The following CCSER1 variants were observed in gnomAD, a reference collection of about 807,000 sequenced individuals.
CCSER1 encodes coiled-coil serine rich protein 1, also known as serine-rich coiled-coil domain-containing protein 1.
In CCSER1, 41 loss-of-function variants were observed where a neutral mutation model predicts 82.0. The observed-to-expected ratio is 0.50, with a 90% CI of 0.39 to 0.65. The LOEUF (loss-of-function observed/expected upper bound fraction) is 0.65. Ranked by LOEUF, CCSER1 falls within the 30% of genes least tolerant of loss-of-function variation. The probability of loss-of-function intolerance (pLI) is 0.00; values close to 1 mark genes in which losing one functional copy is unlikely to be tolerated. For missense variants in CCSER1, 1,119 were observed against 1,064.2 expected (o/e 1.05, Z -0.72); for synonymous variants, 414 against 383.9 (o/e 1.08, Z -0.92).
intron 8 of CCSER1, among the ~76,000 whole-genome samples, chr4:90,825,326 A>G (rs1312605972): frequency 1.3e-5 from 2 of 152,216 alleles, no homozygotes; most frequent in East Asian, 3.9e-4. Flanking sequence ...GGATATTTTA[A>G]ATTTATTATA....
intron 1 of CCSER1, among the ~76,000 whole-genome samples, chr4:90,307,520 G>A (rs1734523061): frequency 8.9e-6 from 1 of 112,730 alleles, no homozygotes; most frequent in Non-Finnish European, 1.7e-5. Context: ...GGAGGGGGGA[G>A]GGATGGCATA....
intron 8 of CCSER1, among the ~76,000 whole-genome samples, chr4:90,870,351 A>G (rs557035466): frequency 6.6e-6 from 1 of 151,870 alleles, no homozygotes; most frequent in East Asian, 1.9e-4. Context: ...CTTAAATTGT[A>G]TTGAAGTATG....
At chr4:91,077,136 T>G (rs1722081520) in intron 9 of CCSER1, among the ~76,000 whole-genome samples, 1 of 152,188 alleles carries the variant, frequency 6.6e-6, no homozygotes, top group Non-Finnish European at 1.5e-5. Context: ...TGGTAATCTT[T>G]TGATTTCCCA....
At chr4:91,115,487 C>T (rs1001750692) in intron 10 of CCSER1, among the ~76,000 whole-genome samples, 18 of 152,008 alleles carry the variant, frequency 1.2e-4, no homozygotes, top group South Asian at 6.3e-4. Flanking sequence ...CCACCATGCC[C>T]GGCTAATTTT....
intron 10 of CCSER1, among the ~76,000 whole-genome samples, chr4:91,481,034 TCCCTCCCCTCCCCAC>T (rs1757877800): frequency 7.1e-6 from 1 of 139,976 alleles, no homozygotes; most frequent in South Asian, 2.5e-4. Flanking sequence ...CCCTACCATT[TCCCTCCCCTCCCCAC>T]CCCTGCCCTC....
chr4:90,540,609 A>G (rs1775986516), intron 5 of CCSER1, among the ~76,000 whole-genome samples: 1 of 152,102 alleles, frequency 6.6e-6, no homozygotes, highest in Admixed American at 6.6e-5. Flanking sequence ...AGAAGAGACC[A>G]AAGAAAGCCA....
intron 3 of CCSER1, among the ~76,000 whole-genome samples, chr4:90,340,927 G>A (rs1477408747): frequency 1.3e-5 from 2 of 152,026 alleles, no homozygotes; most frequent in Non-Finnish European, 2.9e-5. Flanking sequence ...CTAATGATAT[G>A]TTTAGTAATA....
intron 10 of CCSER1, among the ~76,000 whole-genome samples, chr4:91,383,776 A>G: frequency 6.6e-6 from 1 of 152,150 alleles, no homozygotes; most frequent in East Asian, 1.9e-4. Context: ...GTGAAGAAAA[A>G]GGAATATAGC....
At chr4:91,396,772 T>G (rs1752005499) in intron 10 of CCSER1, among the ~76,000 whole-genome samples, 1 of 152,048 alleles carries the variant, frequency 6.6e-6, no homozygotes. Flanking sequence ...CTTTGATACC[T>G]AACCATTAAA....
rs913362211 is a variant in CCSER1, at chr4:91,603,622, G to A, written c.*4565G>A. 2.6e-5 allele frequency: 4 copies of A among 152,076 alleles called. No homozygotes were observed. The highest frequency in any genetic ancestry group is 3.9e-4 in the East Asian group (2 of 5,174). The allele number at this position is 152,076 out of a possible 1,614,324, so 9.4% of individuals were successfully genotyped here. A position where few individuals can be genotyped will look rare whatever the true frequency, so the allele number is the denominator to read the frequency against. On this transcript the variant is annotated 3_prime_UTR_variant, in exon 11 of 11. Coordinates refer to ENST00000509176, the MANE Select transcript of CCSER1 (RefSeq NM_001145065.2). ...CTCATTAACTTCTCCAATTTAATACGACATACATACTTCTTCCACCTGAAC... is the reference window on the plus strand; with the variant it reads ...CTCATTAACTTCTCCAATTTAATACAACATACATACTTCTTCCACCTGAAC...
At chr4:90,685,890 T>C (rs779421785) in intron 6 of CCSER1, among the ~76,000 whole-genome samples, 19 of 152,210 alleles carry the variant, frequency 1.2e-4, no homozygotes, top group Non-Finnish European at 2.4e-4. Flanking sequence ...AAAGCTGAGA[T>C]GGTAACAACT....
intron 9 of CCSER1, among the ~76,000 whole-genome samples, chr4:90,942,563 CTGTT>C (rs1348370307): frequency 6.6e-6 from 1 of 152,010 alleles, no homozygotes; most frequent in African/African-American, 2.4e-5. Context: ...TATCTGAAAG[CTGTT>C]TGCCTCCTTA....
chr4:90,674,757 T>C (rs893759596), intron 6 of CCSER1, among the ~76,000 whole-genome samples: 9 of 151,960 alleles, frequency 5.9e-5, no homozygotes, highest in African/African-American at 2.2e-4. Context: ...CTCTCCTTTT[T>C]TTATAGCATG....
intron 10 of CCSER1, among the ~76,000 whole-genome samples, chr4:91,547,583 G>A (rs1198988212): frequency 6.6e-6 from 1 of 152,104 alleles, no homozygotes; most frequent in African/African-American, 2.4e-5. Context: ...TTTAAAATGG[G>A]TTCTTACAGA....
chr4:90,265,799 T>C (rs1006123786), intron 1 of CCSER1, among the ~76,000 whole-genome samples: 1 of 152,108 alleles, frequency 6.6e-6, no homozygotes, highest in Non-Finnish European at 1.5e-5. Flanking sequence ...TGTATTTCAT[T>C]TTCTTGATTG....
At chr4:90,748,048 T>TA (rs1554004197) in intron 7 of CCSER1, among the ~76,000 whole-genome samples, 2 of 146,012 alleles carry the variant, frequency 1.4e-5, no homozygotes, top group African/African-American at 5.1e-5. Context: ...CTTTTTTTTT[T>TA]ATTATACTTT....
At chr4:90,367,950 G>T (rs1220461395) in intron 3 of CCSER1, among the ~76,000 whole-genome samples, 1 of 151,840 alleles carries the variant, frequency 6.6e-6, no homozygotes, top group Non-Finnish European at 1.5e-5. Flanking sequence ...TGGATTAAAA[G>T]AGTTTTACAG....
At chr4:91,047,971 T>G (rs1402828206) in intron 9 of CCSER1, among the ~76,000 whole-genome samples, 1 of 152,106 alleles carries the variant, frequency 6.6e-6, no homozygotes, top group Non-Finnish European at 1.5e-5. Flanking sequence ...GCTCTTATTC[T>G]GGTTCTTTGA....
chr4:90,375,805 G>T lies in CCSER1; in HGVS notation c.1510-24231G>T, dbSNP rs544251086. 7.9e-5 allele frequency among the ~76,000 whole-genome samples: 12 copies of T among 152,268 alleles called. 1 individual carries two copies. In the South Asian group the frequency reaches 2.5e-3, roughly 32 times the overall value. Reference sequence around the variant, plus strand: ...TTTGTAGAGCAGACACATACCATTTGCTGGCTGGCATGGACATAAATGCAA... The same window carrying T: ...TTTGTAGAGCAGACACATACCATTTTCTGGCTGGCATGGACATAAATGCAA... On this transcript the variant is annotated intron_variant, in intron 3 of 10. Transcript: ENST00000509176.
Sources: gnomAD v4.1 joint callset for allele counts (sites outside exome capture counted in the v4.1 genomes callset) on GRCh38, gnomAD v4.1.1 for gene constraint, MANE v1.5 for transcripts, NCBI Gene and HGNC (gene_info 2026-07-23, HGNC 2026-07-21) for gene names.